The following TBC1D19 variants were observed in gnomAD, a reference collection of about 807,000 sequenced individuals.
TBC1D19 encodes the protein TBC1 domain family, member 19.
TBC1D19 carries 60 observed loss-of-function variants against 89.0 expected under a neutral mutation model. The ratio of observed to expected loss-of-function variants is 0.67; its 90% CI spans 0.55 to 0.84. TBC1D19 has a LOEUF of 0.84. Among genes scored for constraint, TBC1D19 ranks in the 40% least tolerant of loss-of-function variants. The pLI is 0.00. For synonymous variants in TBC1D19, 189 were observed against 199.7 expected, an observed-to-expected ratio of 0.95 and a Z score of 0.45; for missense variants, 500 against 610.8, an observed-to-expected ratio of 0.82 and a Z score of 1.91.
chr4:26,628,211 A>T (rs1272274262), intron 4 of TBC1D19, among the ~76,000 whole-genome samples: 1 of 152,020 alleles, frequency 6.6e-6, no homozygotes, highest in East Asian at 1.9e-4. Flanking sequence ...ATGTGGCATT[A>T]TTTCTGAGGG....
chr4:26,814,816 T>C, the TBC1D19 span, among the ~76,000 whole-genome samples: 8 of 151,644 alleles, frequency 5.3e-5, no homozygotes, highest in Non-Finnish European at 8.8e-5. Flanking sequence ...AGGCCAGGAG[T>C]TCAAGACCAG....
rs183102941 is a variant in TBC1D19 at position 26,656,096 on chromosome 4, T to C, written c.481-3501T>C. 1.3e-3 allele frequency among the ~76,000 whole-genome samples: 193 copies of C among 152,218 alleles called. 1 individual carries two copies. The highest frequency in any genetic ancestry group is 4.2e-3 in the African/African-American group (173 of 41,536). Reference sequence around the variant, plus strand: ...ATATTTTTAAAAATTATTATTATTCTGTCTTGAAAAATGCATGTTATTAGA... The same window carrying C: ...ATATTTTTAAAAATTATTATTATTCCGTCTTGAAAAATGCATGTTATTAGA... On this transcript the variant is annotated intron_variant, in intron 7 of 20. Coordinates refer to ENST00000264866, the MANE Select transcript of TBC1D19 (RefSeq NM_018317.4).
intron 13 of TBC1D19, among the ~76,000 whole-genome samples, chr4:26,699,163 A>C (rs536557854): frequency 1.3e-5 from 2 of 152,370 alleles, no homozygotes; most frequent in African/African-American, 4.8e-5. Flanking sequence ...AAACAAACTT[A>C]CAAGAAAAAA....
chr4:26,843,624 A>G, the TBC1D19 span, among the ~76,000 whole-genome samples: 1 of 151,982 alleles, frequency 6.6e-6, no homozygotes, highest in Non-Finnish European at 1.5e-5. Context: ...CCAGTTAAAA[A>G]CAGAATCATA....
At chr4:26,741,285 A>G (rs1031812346) in intron 17 of TBC1D19, among the ~76,000 whole-genome samples, 4 of 147,520 alleles carry the variant, frequency 2.7e-5, no homozygotes, top group East Asian at 2.0e-4. Context: ...GAACCCGGGA[A>G]GCGGAGCTTG....
At chr4:26,707,035 ATCTAGTTGGTTTATCATGTAAATAC>A (rs1173937019) in intron 13 of TBC1D19, among the ~76,000 whole-genome samples, 3 of 151,882 alleles carry the variant, frequency 2.0e-5, no homozygotes, top group South Asian at 4.2e-4. Context: ...ATATTGTTAG[ATCTAGTTGGTTTATCATGTAAATAC>A]TCTAGTTGGT....
chr4:26,597,471 C>T (rs1385005818), intron 1 of TBC1D19, among the ~76,000 whole-genome samples: 2 of 148,508 alleles, frequency 1.3e-5, no homozygotes, highest in African/African-American at 5.0e-5. Flanking sequence ...TAATGTATAT[C>T]TTGTAAAGAC....
intron 19 of TBC1D19, among the ~76,000 whole-genome samples, 191 bp from the exon 20 acceptor site, chr4:26,753,629 T>C (rs1247400686): frequency 1.3e-5 from 2 of 152,222 alleles, no homozygotes; most frequent in African/African-American, 4.8e-5. Flanking sequence ...TGTCTGGCCA[T>C]CAGGCACTGT....
the TBC1D19 span, among the ~76,000 whole-genome samples, chr4:26,787,101 GTTTT>G: frequency 7.7e-6 from 1 of 129,366 alleles, no homozygotes; most frequent in African/African-American, 3.0e-5. Flanking sequence ...AGAGGAACTA[GTTTT>G]TTTTTTTTTT....
chr4:26,792,707 T>C, the TBC1D19 span, among the ~76,000 whole-genome samples: 5 of 152,238 alleles, frequency 3.3e-5, no homozygotes, highest in Non-Finnish European at 7.3e-5. Context: ...CTCTATTCTC[T>C]CCAAGTCCTT....
At chr4:26,688,460 A>C (rs1251203489) in intron 13 of TBC1D19, 53 bp downstream of exon 13, 3 of 1,451,264 alleles carry the variant, frequency 2.1e-6, no homozygotes, top group Non-Finnish European at 2.7e-6. Context: ...TCTCTATATC[A>C]TGATACTTTA....
At chr4:26,665,886 A>G (rs1459634291) in intron 8 of TBC1D19, among the ~76,000 whole-genome samples, 2 of 152,042 alleles carry the variant, frequency 1.3e-5, no homozygotes, top group Non-Finnish European at 2.9e-5. Flanking sequence ...AAAATCAAGA[A>G]CTGTTTTTGG....
intron 1 of TBC1D19, among the ~76,000 whole-genome samples, chr4:26,584,528 T>C (rs372895638): frequency 6.6e-6 from 1 of 152,210 alleles, no homozygotes. Flanking sequence ...GCGTGGTTAA[T>C]AGATTTTTAA....
At chr4:26,601,243 G>C (rs1460227342) in intron 1 of TBC1D19, among the ~76,000 whole-genome samples, 1 of 151,958 alleles carries the variant, frequency 6.6e-6, no homozygotes. Flanking sequence ...CTGTCTCTAT[G>C]AATTTAACTA....
At chr4:26,606,187 C>T (rs1036513582) in intron 1 of TBC1D19, among the ~76,000 whole-genome samples, 4 of 152,096 alleles carry the variant, frequency 2.6e-5, no homozygotes, top group South Asian at 2.1e-4. Flanking sequence ...GAGGGTCCTG[C>T]GACTGAAAAG....
At chr4:26,678,720 T>A (rs1713066757) in intron 11 of TBC1D19, among the ~76,000 whole-genome samples, 1 of 152,074 alleles carries the variant, frequency 6.6e-6, no homozygotes, top group Admixed American at 6.6e-5. Flanking sequence ...GTAGTGAAAT[T>A]TTAACAGAAA....
chr4:26,750,149 T>C (rs1048073995), intron 19 of TBC1D19, among the ~76,000 whole-genome samples: 3 of 152,176 alleles, frequency 2.0e-5, no homozygotes, highest in African/African-American at 7.2e-5. Context: ...CCAAAGTAAT[T>C]ATCATGTTTT....
chr4:26,795,771 T>A, the TBC1D19 span, among the ~76,000 whole-genome samples: 1 of 152,194 alleles, frequency 6.6e-6, no homozygotes, highest in South Asian at 2.1e-4. Flanking sequence ...GGAAGTTATG[T>A]GGAAAAGTCA....
At chr4:26,753,698 G>A in intron 19 of TBC1D19, 122 bp from the exon 20 acceptor site, 1 of 928,698 alleles carries the variant, frequency 1.1e-6, no homozygotes. Flanking sequence ...GCGGGGGTGT[G>A]GTCCGTTGTG....
Sources: gnomAD v4.1 joint callset for allele counts (sites outside exome capture counted in the v4.1 genomes callset) on GRCh38, gnomAD v4.1.1 for gene constraint, MANE v1.5 for transcripts, NCBI Gene and HGNC (gene_info 2026-07-23, HGNC 2026-07-21) for gene names.